The following ADAMTSL1 variants were observed in gnomAD, a reference collection of about 807,000 sequenced individuals.
ADAMTSL1 encodes the protein ADAMTS like 1.
A neutral mutation model predicts 201.8 loss-of-function variants in ADAMTSL1; 126 were observed. That is an observed-to-expected ratio of 0.62 (90% CI 0.54 to 0.72). The LOEUF (loss-of-function observed/expected upper bound fraction) is 0.72. ADAMTSL1 is among the 30% of genes least tolerant of loss of function. The probability of loss-of-function intolerance (pLI) is 0.00; values close to 1 mark genes in which losing one functional copy is unlikely to be tolerated. For missense variants in ADAMTSL1, 2,679 were observed against 2,277.8 expected (o/e 1.18, Z -3.59); for synonymous variants, 1,121 against 903.4 (o/e 1.24, Z -4.32).
rs765056497 is a variant in ADAMTSL1 at position 18,777,295 on chromosome 9, C to T, written c.3066C>T (p.Asp1022=). The change falls in exon 19 of 29, where the codon GAC becomes GAT. Residue 1022 remains aspartate, a synonymous_variant. Coordinates refer to ENST00000380548, the MANE Select transcript of ADAMTSL1 (RefSeq NM_001040272.6). Reference sequence around the variant, plus strand: ...CCGCCAACCCGGGGAGCCGCTACGACGACCTCGTCTCCCGGCTGCTGGAGC... The same window carrying T: ...CCGCCAACCCGGGGAGCCGCTACGATGACCTCGTCTCCCGGCTGCTGGAGC... ...GLAANPGSRY[D]DLVSRLLEQG... 14 of 1,605,540 alleles carry T rather than the reference C, an allele frequency of 8.7e-6. No individual in the cohort carries two copies. Among genetic ancestry groups the T allele is most frequent in the African/African-American group, 1.3e-5 (1 of 74,802 alleles).
Position 17,911,046 on chromosome 9 carries a change from T to G in ADAMTSL1, c.87+4124T>G, listed in dbSNP as rs535766407. Among the ~76,000 whole-genome samples the G allele has an allele frequency of 9.6e-4, 66 of 68,936 alleles. 29 individuals are homozygous for G. The South Asian group carries it at 0.061, about 64-fold the overall frequency. The allele number at this position is 68,936 out of a possible 152,430, so 45.2% of individuals were successfully genotyped here. A position where few individuals can be genotyped will look rare whatever the true frequency, so the allele number is the denominator to read the frequency against. Reference sequence around the variant, plus strand: ...TTTGCTACCCAAATGGAATGATGTTTGAGCTATATTCTCCAAATAGTCCAA... The same window carrying G: ...TTTGCTACCCAAATGGAATGATGTTGGAGCTATATTCTCCAAATAGTCCAA... On this transcript the variant is annotated intron_variant, in intron 1 of 29. Transcript: ENST00000680146.
At chr9:18,201,091 C>T (rs1193508963) in intron 2 of ADAMTSL1, among the ~76,000 whole-genome samples, 1 of 151,980 alleles carries the variant, frequency 6.6e-6, no homozygotes, top group African/African-American at 2.4e-5. Context: ...ATCTATTTTG[C>T]TTGGTGTATT....
At chr9:17,974,529 C>T (rs1233797174) in intron 1 of ADAMTSL1, among the ~76,000 whole-genome samples, 1 of 151,988 alleles carries the variant, frequency 6.6e-6, no homozygotes, top group Non-Finnish European at 1.5e-5. Flanking sequence ...AATGTTCCCA[C>T]CCCTCAGCCC....
At chr9:18,166,901 C>T (rs12006002) in intron 2 of ADAMTSL1, among the ~76,000 whole-genome samples, 46,104 of 151,800 alleles carry the variant, frequency 0.3, 7,215 homozygotes, top group Admixed American at 0.4. Flanking sequence ...TTCTCAATCC[C>T]TTCTCAACGA....
At chr9:18,633,018 A>G (rs1248806134) in intron 5 of ADAMTSL1, among the ~76,000 whole-genome samples, 1 of 152,174 alleles carries the variant, frequency 6.6e-6, no homozygotes, top group African/African-American at 2.4e-5. Context: ...CAGATATTAC[A>G]GCATCAGCCA....
chr9:18,362,380 A>T (rs1836566666), intron 2 of ADAMTSL1, among the ~76,000 whole-genome samples: 2 of 152,248 alleles, frequency 1.3e-5, no homozygotes, highest in Non-Finnish European at 2.9e-5. Flanking sequence ...TGTTTGATTG[A>T]ACATAGGCCA....
intron 16 of ADAMTSL1, among the ~76,000 whole-genome samples, chr9:18,754,735 G>C (rs760430199): frequency 1.3e-5 from 2 of 152,088 alleles, no homozygotes; most frequent in African/African-American, 2.4e-5. Flanking sequence ...ATCAAATACT[G>C]ATGAATAAGC....
At chr9:18,905,701 G>C in intron 26 of ADAMTSL1, 81 bp from the exon 27 acceptor site, 1 of 1,055,272 alleles carries the variant, frequency 9.5e-7, no homozygotes, top group Non-Finnish European at 1.4e-6. Context: ...CAAGGATCGT[G>C]CATGCCATGC....
intron 2 of ADAMTSL1, among the ~76,000 whole-genome samples, chr9:18,291,737 TCTCTCTCTCTCACACACACACA>T (rs759712283): frequency 7.5e-6 from 1 of 133,660 alleles, no homozygotes; most frequent in Non-Finnish European, 1.5e-5. Context: ...TCTCTCTCTC[TCTCTCTCTCTCACACACACACA>T]CACACACACA....
At chr9:18,200,011 A>G (rs1181498466) in intron 2 of ADAMTSL1, among the ~76,000 whole-genome samples, 1 of 152,084 alleles carries the variant, frequency 6.6e-6, no homozygotes, top group Admixed American at 6.6e-5. Context: ...CTGATGGCTC[A>G]TAATAATGAT....
rs1452015111 is a variant in ADAMTSL1, at chr9:18,564,488, A to G, written c.238-9542A>G. ...TTGCCAGCCCCTGCCTCACTTGTAA[A>G]TAGAAACATAAGGAACTTGTTTTGC... On this transcript the variant is annotated intron_variant, in intron 3 of 28. Coordinates refer to ENST00000380548, the MANE Select transcript of ADAMTSL1 (RefSeq NM_001040272.6). Among the ~76,000 whole-genome samples, 5 of 152,206 alleles carry G rather than the reference A, an allele frequency of 3.3e-5. No homozygotes were observed. The East Asian group carries it at 9.6e-4, about 29-fold the overall frequency.
chr9:18,356,280 G>A (rs2133052616), intron 2 of ADAMTSL1, among the ~76,000 whole-genome samples: 1 of 152,246 alleles, frequency 6.6e-6, no homozygotes, highest in South Asian at 2.1e-4. Flanking sequence ...GTTTCATCCA[G>A]GACCAGCAGG....
At chr9:18,532,429 T>C (rs1819501031) in intron 2 of ADAMTSL1, among the ~76,000 whole-genome samples, 1 of 152,192 alleles carries the variant, frequency 6.6e-6, no homozygotes, top group Admixed American at 6.5e-5. Flanking sequence ...TACCATACTA[T>C]CATTTATCAA....
intron 2 of ADAMTSL1, among the ~76,000 whole-genome samples, chr9:18,279,499 T>C (rs1037871923): frequency 1.6e-4 from 24 of 152,058 alleles, no homozygotes; most frequent in African/African-American, 5.6e-4. Flanking sequence ...CTTGCTTTTG[T>C]GTCTGTTCAT....
At chr9:18,456,704 G>A (rs747010696) in intron 2 of ADAMTSL1, among the ~76,000 whole-genome samples, 4 of 151,884 alleles carry the variant, frequency 2.6e-5, no homozygotes, top group South Asian at 2.1e-4. Flanking sequence ...TAGTGCTCAC[G>A]CCAACTTGCT....
At chr9:18,176,253 C>T (rs1194034457) in intron 2 of ADAMTSL1, among the ~76,000 whole-genome samples, 4 of 151,962 alleles carry the variant, frequency 2.6e-5, no homozygotes, top group Admixed American at 6.6e-5. Flanking sequence ...ATATGTTTGA[C>T]ACTACTTTGT....
chr9:18,591,958 A>G (rs906545119), intron 4 of ADAMTSL1, among the ~76,000 whole-genome samples: 1 of 152,186 alleles, frequency 6.6e-6, no homozygotes, highest in Non-Finnish European at 1.5e-5. Context: ...TTATAGCCCA[A>G]TTCATTGACT....
At position 18,036,448 on chromosome 9, in the gene ADAMTSL1, C is replaced by T. The variant is rs1202868119; in HGVS notation, c.88-127414C>T. ...TAAATACTTTGTAAAGAAATATGCA[C>T]TTGGTCAAAGTAACTCTAGGTATAA... On this transcript the variant is annotated intron_variant, in intron 1 of 29. Transcript: ENST00000680146. Among the ~76,000 whole-genome samples, 3 of 152,274 alleles carry T rather than the reference C, an allele frequency of 2.0e-5. No homozygotes were observed. The East Asian group carries it at 5.8e-4, about 29-fold the overall frequency.
At chr9:18,298,764 T>C (rs916791321) in intron 2 of ADAMTSL1, among the ~76,000 whole-genome samples, 3 of 151,702 alleles carry the variant, frequency 2.0e-5, no homozygotes, top group Non-Finnish European at 2.9e-5. Flanking sequence ...TGGCTCACGC[T>C]TGTAATCCCA....
Sources: gnomAD v4.1 joint callset for allele counts (sites outside exome capture counted in the v4.1 genomes callset) on GRCh38, gnomAD v4.1.1 for gene constraint, MANE v1.5 for transcripts, NCBI Gene and HGNC (gene_info 2026-07-23, HGNC 2026-07-21) for gene names.